Variants in NRDE2 observed in about 807,000 individuals in gnomAD.
NRDE2 encodes the protein NRDE-2, necessary for RNA interference, domain containing.
In NRDE2, 76 loss-of-function variants were observed where a neutral mutation model predicts 124.2. That is an observed-to-expected ratio of 0.61 (90% CI 0.51 to 0.74). The LOEUF (loss-of-function observed/expected upper bound fraction) is 0.74. Among genes scored for constraint, NRDE2 ranks in the 30% least tolerant of loss-of-function variants. The pLI is 0.00. For missense variants in NRDE2, 1,314 were observed against 1,417.3 expected (o/e 0.93, Z 1.17); for synonymous variants, 489 against 528.1 (o/e 0.93, Z 1.01).
intron 8 of NRDE2, 112 bp downstream of exon 8, chr14:90,298,148 G>T (rs922432730): frequency 8.7e-7 from 1 of 1,148,044 alleles, no homozygotes; most frequent in Non-Finnish European, 1.3e-6. Context: ...TGATGTTTGT[G>T]CAATATTCTG....
intron 7 of NRDE2, 131 bp from the exon 8 acceptor site, chr14:90,298,511 G>A (rs1884266830): frequency 1.1e-6 from 1 of 914,626 alleles, no homozygotes; most frequent in Non-Finnish European, 1.7e-6. Context: ...AGTCTTTGAA[G>A]TAGATACATG....
intron 4 of NRDE2, among the ~76,000 whole-genome samples, chr14:90,309,869 T>A (rs1024768193): frequency 1.3e-5 from 2 of 152,208 alleles, no homozygotes; most frequent in Non-Finnish European, 2.9e-5. Context: ...GAAATAACAA[T>A]GCCCTAAGCC....
chr14:90,270,063 A>T lies in NRDE2; in HGVS notation c.*8273T>A. 1.1e-6 allele frequency: 1 copy of T among 904,146 alleles called. No homozygotes were observed. Among genetic ancestry groups the T allele is most frequent in the East Asian group, 2.6e-5 (1 of 38,312 alleles). The allele number at this position is 904,146 out of a possible 1,614,324, so 56.0% of individuals were successfully genotyped here. A position where few individuals can be genotyped will look rare whatever the true frequency, so the allele number is the denominator to read the frequency against. ...CTACAAAAATATATGTTTACTTTTTAAAATTTAGACATCCTTCCCACAGAA... is the reference window on the plus strand; with the variant it reads ...CTACAAAAATATATGTTTACTTTTTTAAATTTAGACATCCTTCCCACAGAA... On this transcript the variant is annotated 3_prime_UTR_variant, in exon 14 of 14. Transcript: ENST00000354366.
intron 1 of NRDE2, among the ~76,000 whole-genome samples, chr14:90,329,289 C>T (rs1261060576): frequency 6.6e-6 from 1 of 152,224 alleles, no homozygotes; most frequent in Non-Finnish European, 1.5e-5. Flanking sequence ...ACTACACCTC[C>T]AGACAAACTA....
intron 1 of NRDE2, among the ~76,000 whole-genome samples, chr14:90,323,403 C>T (rs868276224): frequency 6.6e-6 from 1 of 152,150 alleles, no homozygotes; most frequent in Non-Finnish European, 1.5e-5. Flanking sequence ...TATCCAAGTT[C>T]TACATCCATT....
intron 1 of NRDE2, among the ~76,000 whole-genome samples, chr14:90,324,981 G>A (rs540241363): frequency 1.3e-5 from 2 of 152,286 alleles, no homozygotes; most frequent in East Asian, 3.9e-4. Flanking sequence ...TATTTTAGGA[G>A]GCTGTTGTAG....
At position 90,302,899 on chromosome 14, in the gene NRDE2, T is replaced by C; in HGVS notation, c.1232A>G (p.His411Arg). The change falls in exon 6 of 14, where the codon CAT becomes CGT. Residue 411 changes from histidine (H) to arginine (R), a missense_variant. By Grantham distance (29) the His-to-Arg change is conservative (BLOSUM62 0). Coordinates refer to ENST00000354366, the MANE Select transcript of NRDE2 (RefSeq NM_017970.4). ...CTGCCAAAGGGCTGTATTATTGGGA[T>C]GCAAAAATATCAGTTTCTGCCACTC... Reference protein sequence around the residue: ...VKEWQKLIFLHPNNTALWQKY... With the variant: ...VKEWQKLIFLRPNNTALWQKY... 2 of 1,614,134 alleles carry C rather than the reference T, an allele frequency of 1.2e-6. No individual in the cohort carries two copies. The highest frequency in any genetic ancestry group is 1.7e-6 in the Non-Finnish European group (2 of 1,180,036).
At position 90,267,993 on chromosome 14, in the gene NRDE2, A is replaced by G. The variant is rs184069176; in HGVS notation, c.*10343T>C. The G allele has an allele frequency of 9.1e-5, 38 of 417,106 alleles. 1 individual carries two copies. In the Admixed American group the frequency reaches 1.0e-3, roughly 11 times the overall value. The allele number at this position is 417,106 out of a possible 1,614,324, so 25.8% of individuals were successfully genotyped here. A position where few individuals can be genotyped will look rare whatever the true frequency, so the allele number is the denominator to read the frequency against. ...GTAAAAAGTATTTTCTGACGTTATC[A>G]TAAGTTCAGCAAAATAGCTAAGGAT... On this transcript the variant is annotated 3_prime_UTR_variant, in exon 14 of 14. Transcript: ENST00000354366.
At chr14:90,318,809 AAAC>A (rs953838594) in intron 1 of NRDE2, among the ~76,000 whole-genome samples, 4 of 152,154 alleles carry the variant, frequency 2.6e-5, no homozygotes, top group African/African-American at 9.7e-5. Context: ...AAACAAAACA[AAAC>A]AAAACAAAAG....
intron 13 of NRDE2, 87 bp downstream of exon 13, chr14:90,278,975 C>G (rs1276374120): frequency 3.2e-6 from 3 of 930,536 alleles, no homozygotes; most frequent in Non-Finnish European, 3.5e-6. Flanking sequence ...CCCGGTGCCG[C>G]GGGGCAGGCC....
chr14:90,318,065 G>A lies in NRDE2; in HGVS notation c.113C>T (p.Ser38Phe). The A allele has an allele frequency of 6.2e-7, 1 of 1,614,196 alleles. No individual in the cohort carries two copies. Among genetic ancestry groups the A allele is most frequent in the Non-Finnish European group, 8.5e-7 (1 of 1,180,028 alleles). ...NPSFCVGSIT[S>F]LSQQTEAAPA... ...AGCTGCTTCAGTTTGTTGGCTCAGG[G>A]ACGTTATGGATCCAACACAAAAGCT... The change falls in exon 2 of 14, where the codon TCC becomes TTC. Residue 38 changes from serine to phenylalanine, a missense_variant. Transcript: ENST00000354366.
intron 1 of NRDE2, among the ~76,000 whole-genome samples, chr14:90,324,960 G>A (rs544806917): frequency 3.9e-5 from 6 of 152,246 alleles, no homozygotes; most frequent in Admixed American, 1.3e-4. Flanking sequence ...CAGGACTAAC[G>A]GCGGGGACGC....
chr14:90,290,030 G>A (rs536351734), intron 10 of NRDE2, among the ~76,000 whole-genome samples, 191 bp downstream of exon 10: 3 of 152,276 alleles, frequency 2.0e-5, no homozygotes, highest in African/African-American at 4.8e-5. Flanking sequence ...AGCCTGACTC[G>A]TTCCTGCCTT....
chr14:90,304,630 T>C (rs1884535680), intron 4 of NRDE2: 4 of 446,380 alleles, frequency 9.0e-6, no homozygotes, highest in African/African-American at 2.0e-5. Flanking sequence ...AGATCATGCC[T>C]GTCTTCTAGA....
chr14:90,292,706 G>A lies in NRDE2; in HGVS notation c.1833C>T (p.Pro611=), dbSNP rs550649701. ...KKQTEEDCED[P]ERQVLFDDIG... ...GGCGGAGGATACATGCCTGTCTCTC[G>A]GGATCCTCACAGTCTTCCTCGGTTT... Residue 611 remains proline (P), a synonymous_variant, in exon 9 of 14, where the codon CCC becomes CCT. Transcript: ENST00000354366. 6 of 1,613,656 alleles carry A rather than the reference G, an allele frequency of 3.7e-6. No individual in the cohort carries two copies. The highest frequency in any genetic ancestry group is 1.7e-4 in the Middle Eastern group (1 of 6,054).
intron 1 of NRDE2, among the ~76,000 whole-genome samples, chr14:90,330,797 G>A (rs1885659148): frequency 2.0e-5 from 2 of 100,678 alleles, no homozygotes; most frequent in African/African-American, 3.6e-5. Context: ...AACAGAGTGA[G>A]ACCCTGTCTC....
intron 11 of NRDE2, among the ~76,000 whole-genome samples, 168 bp downstream of exon 11, chr14:90,288,049 G>A (rs1452620211): frequency 1.3e-5 from 2 of 152,158 alleles, no homozygotes; most frequent in Non-Finnish European, 2.9e-5. Flanking sequence ...TTTGTGTCTC[G>A]CTTGCCTTTC....
rs374520183 is a variant in NRDE2, at chr14:90,317,407, C to G, written c.174-596G>C. On this transcript the variant is annotated intron_variant, in intron 2 of 13. Coordinates refer to ENST00000354366, the MANE Select transcript of NRDE2 (RefSeq NM_017970.4). ...GACAATGAGCTCTTCTTCCTCATTA[C>G]TGAAATATCTAATATCTACCAACTT... Among the ~76,000 whole-genome samples the G allele has an allele frequency of 7.9e-5, 12 of 152,320 alleles. No homozygotes were observed. In the East Asian group the frequency reaches 1.2e-3, roughly 15 times the overall value.
chr14:90,321,478 G>C (rs1346780086), intron 1 of NRDE2, among the ~76,000 whole-genome samples: 1 of 149,522 alleles, frequency 6.7e-6, no homozygotes, highest in Admixed American at 6.7e-5. Context: ...TTGGGAAGCT[G>C]AGAAGGGAGG....
Sources: gnomAD v4.1 joint callset for allele counts (sites outside exome capture counted in the v4.1 genomes callset) on GRCh38, gnomAD v4.1.1 for gene constraint, MANE v1.5 for transcripts, NCBI Gene and HGNC (gene_info 2026-07-23, HGNC 2026-07-21) for gene names.